Variants in ERBB4 observed in about 807,000 individuals in gnomAD.
ERBB4 encodes the protein erb-b2 receptor tyrosine kinase 4, also known as receptor tyrosine-protein kinase erbB-4.
In ERBB4, 42 loss-of-function variants were observed where a neutral mutation model predicts 158.0. That is an observed-to-expected ratio of 0.27 (90% CI 0.21 to 0.34). ERBB4 has a LOEUF of 0.34. Among genes scored for constraint, ERBB4 ranks in the 10% least tolerant of loss-of-function variants. ERBB4 has a pLI of 1.00. For synonymous variants in ERBB4, 583 were observed against 558.7 expected, an observed-to-expected ratio of 1.04 and a Z score of -0.61; for missense variants, 1,333 against 1,624.1, an observed-to-expected ratio of 0.82 and a Z score of 3.08.
intron 2 of ERBB4, among the ~76,000 whole-genome samples, chr2:212,053,149 G>C (rs2077450032): frequency 6.6e-6 from 1 of 152,138 alleles, no homozygotes; most frequent in Non-Finnish European, 1.5e-5. Context: ...TGTCACTGCA[G>C]TCTAGCCTGG....
intron 1 of ERBB4, among the ~76,000 whole-genome samples, chr2:212,483,082 C>T (rs1379668039): frequency 6.6e-6 from 1 of 152,170 alleles, no homozygotes; most frequent in Non-Finnish European, 1.5e-5. Flanking sequence ...AATCATTTCC[C>T]TACTCTCAGT....
chr2:211,524,440 C>T (rs1457045032), intron 20 of ERBB4, among the ~76,000 whole-genome samples: 11 of 147,702 alleles, frequency 7.4e-5, no homozygotes, highest in Admixed American at 1.3e-4. Flanking sequence ...TGGTGCTCGT[C>T]GGGGAGGCTC....
intron 11 of ERBB4, 44 bp from the exon 12 acceptor site, chr2:211,702,210 C>T: frequency 4.2e-6 from 6 of 1,445,168 alleles, no homozygotes; most frequent in East Asian, 2.3e-5. Context: ...AAACGCATTC[C>T]GGAGTAAAAT....
intron 19 of ERBB4, among the ~76,000 whole-genome samples, chr2:211,600,199 T>C (rs1390846395): frequency 2.0e-5 from 3 of 152,184 alleles, no homozygotes; most frequent in Admixed American, 1.3e-4. Context: ...TCTCCTAGGA[T>C]TTTTCAATTT....
At chr2:212,052,642 AC>A (rs2077432479) in intron 2 of ERBB4, among the ~76,000 whole-genome samples, 1 of 152,018 alleles carries the variant, frequency 6.6e-6, no homozygotes, top group Non-Finnish European at 1.5e-5. Flanking sequence ...ACAGAAATGG[AC>A]CCTTTTGGTC....
At chr2:212,127,907 C>T (rs549696698) in intron 1 of ERBB4, among the ~76,000 whole-genome samples, 55 of 152,272 alleles carry the variant, frequency 3.6e-4, no homozygotes, top group Non-Finnish European at 5.7e-4. Context: ...GAGAATGAGC[C>T]TGCTGTCACC....
chr2:212,537,551 C>T (rs1022192490), intron 1 of ERBB4, among the ~76,000 whole-genome samples: 95 of 152,208 alleles, frequency 6.2e-4, no homozygotes, highest in African/African-American at 2.2e-3. Flanking sequence ...CAAGCAGTGG[C>T]CGCGCACCCA....
chr2:211,941,976 A>G (rs2080512357), intron 3 of ERBB4, among the ~76,000 whole-genome samples: 1 of 152,116 alleles, frequency 6.6e-6, no homozygotes, highest in African/African-American at 2.4e-5. Context: ...TTTTCTTCAC[A>G]GTTTTCAAGA....
chr2:211,765,946 C>T (rs1401579946), intron 4 of ERBB4, among the ~76,000 whole-genome samples: 1 of 152,092 alleles, frequency 6.6e-6, no homozygotes, highest in African/African-American at 2.4e-5. Flanking sequence ...TTATCTAGAT[C>T]AACATTTTTG....
chr2:211,522,486 G>A (rs762426972), intron 20 of ERBB4, among the ~76,000 whole-genome samples: 7 of 152,158 alleles, frequency 4.6e-5, no homozygotes, highest in Non-Finnish European at 5.9e-5. Flanking sequence ...TGGTGAAGGC[G>A]TTGTGAACAT....
In ERBB4 at chr2:211,705,357, C is replaced by T; in HGVS notation, c.1159G>A (p.Glu387Lys). The T allele has an allele frequency of 6.2e-7, 1 of 1,613,342 alleles. No homozygotes were observed. Among genetic ancestry groups the T allele is most frequent in the East Asian group, 2.2e-5 (1 of 44,882 alleles). The change falls in exon 10 of 28, where the codon GAG becomes AAG. Residue 387 changes from glutamate to lysine, a missense_variant. Glu to Lys is a moderately conservative substitution (Grantham distance 56, BLOSUM62 1). This residue lies in a region of ERBB4 where 438 missense variants were observed against 586.9 expected (regional missense o/e 0.75). Coordinates refer to ENST00000342788, the MANE Select transcript of ERBB4 (RefSeq NM_005235.3). Reference sequence around the variant, plus strand: ...ACTGTCCGAAAGACGTTCAGTTTCTCTGGGTCTATGGCTTCAATTGCATTG... The same window carrying T: ...ACTGTCCGAAAGACGTTCAGTTTCTTTGGGTCTATGGCTTCAATTGCATTG... ...PYNAIEAIDP[E>K]KLNVFRTVRE...
intron 25 of ERBB4, among the ~76,000 whole-genome samples, chr2:211,389,192 C>T (rs572872847): frequency 8.5e-5 from 13 of 152,228 alleles, no homozygotes; most frequent in Middle Eastern, 3.4e-3. Flanking sequence ...CCTGCCACCA[C>T]GCCTGGATAA....
intron 27 of ERBB4, among the ~76,000 whole-genome samples, chr2:211,386,291 G>T (rs1392373635): frequency 6.6e-6 from 1 of 152,088 alleles, no homozygotes; most frequent in African/African-American, 2.4e-5. Context: ...TCAAATCTTG[G>T]TGGTATGCTT....
chr2:211,968,447 A>G (rs2081362507), intron 2 of ERBB4, among the ~76,000 whole-genome samples: 1 of 152,088 alleles, frequency 6.6e-6, no homozygotes, highest in Non-Finnish European at 1.5e-5. Context: ...CATGATTAAG[A>G]TAAAGGCATT....
rs191238291 is a variant in ERBB4 at position 212,474,689 on chromosome 2, T to C, written c.82+63760A>G. Among the ~76,000 whole-genome samples the C allele has an allele frequency of 6.6e-5, 10 of 152,216 alleles. No individual in the cohort carries two copies. The East Asian group carries it at 1.9e-3, about 29-fold the overall frequency. ...TATAATTTCCACATCCACAAGACTCTCTAGCCTTAGTCTCTCCTAACACAG... is the reference window on the plus strand; with the variant it reads ...TATAATTTCCACATCCACAAGACTCCCTAGCCTTAGTCTCTCCTAACACAG... On this transcript the variant is annotated intron_variant, in intron 1 of 27. Coordinates refer to ENST00000342788, the MANE Select transcript of ERBB4 (RefSeq NM_005235.3).
chr2:212,234,325 T>A (rs1324388711), intron 1 of ERBB4, among the ~76,000 whole-genome samples: 40 of 152,212 alleles, frequency 2.6e-4, no homozygotes, highest in Admixed American at 2.6e-3. Context: ...TCCTTTTTTA[T>A]GGCTGCATAG....
At chr2:212,207,010 A>AAAT (rs2082783955) in intron 1 of ERBB4, among the ~76,000 whole-genome samples, 1 of 152,082 alleles carries the variant, frequency 6.6e-6, no homozygotes, top group Admixed American at 6.5e-5. Flanking sequence ...AAAAAAAAAA[A>AAAT]AACTTTTGAT....
At chr2:211,472,902 T>C (rs1159771011) in intron 20 of ERBB4, among the ~76,000 whole-genome samples, 1 of 150,594 alleles carries the variant, frequency 6.6e-6, no homozygotes, top group Non-Finnish European at 1.5e-5. Context: ...AATATAAATA[T>C]TATTTATTAT....
intron 25 of ERBB4, among the ~76,000 whole-genome samples, chr2:211,392,559 C>T (rs957835876): frequency 3.4e-5 from 1 of 29,388 alleles, no homozygotes; most frequent in Non-Finnish European, 6.5e-5. Context: ...TCTCTTACTC[C>T]ACACACACAC....
Sources: gnomAD v4.1 joint callset for allele counts (sites outside exome capture counted in the v4.1 genomes callset) on GRCh38, gnomAD v4.1.1 for gene constraint, gnomAD v4.1.1 regional missense constraint, MANE v1.5 for transcripts, NCBI Gene and HGNC (gene_info 2026-07-23, HGNC 2026-07-21) for gene names.